MRPL42: variants seen among roughly 807,000 people sequenced by gnomAD.
MRPL42 encodes large ribosomal subunit protein mL42.
A neutral mutation model predicts 17.9 loss-of-function variants in MRPL42; 17 were observed. The observed-to-expected ratio is 0.95, with a 90% confidence interval of 0.65 to 1.42. MRPL42 has a LOEUF of 1.42. MRPL42 is among the 40% of genes most tolerant of loss of function. MRPL42 has a pLI of 0.00. For missense variants in MRPL42, 177 were observed against 175.2 expected (o/e 1.01, Z -0.06); for synonymous variants, 59 against 54.4 (o/e 1.08, Z -0.37).
At chr12:93,483,670 C>T (rs548473020) in intron 4 of MRPL42, among the ~76,000 whole-genome samples, 2 of 152,256 alleles carry the variant, frequency 1.3e-5, no homozygotes, top group African/African-American at 4.8e-5. Context: ...CATTACTGTA[C>T]ACTGCTGTAT....
chr12:93,488,838 T>TC (rs1953360819), intron 5 of MRPL42, among the ~76,000 whole-genome samples: 1 of 152,084 alleles, frequency 6.6e-6, no homozygotes, highest in Non-Finnish European at 1.5e-5. Flanking sequence ...TTGTTGTTTA[T>TC]ATTTGAACAA....
chr12:93,515,429 G>A lies in MRPL42; in HGVS notation c.*14208G>A, dbSNP rs1000914406. The A allele has an allele frequency of 4.6e-5, 7 of 151,552 alleles. No individual in the cohort carries two copies. Among genetic ancestry groups the A allele is most frequent in the African/African-American group, 1.5e-4 (6 of 41,152 alleles). 9.4% of individuals were successfully genotyped at this position (151,552 alleles called of 1,614,324 possible). On this transcript the variant is annotated 3_prime_UTR_variant, in exon 6 of 6. Transcript: ENST00000549982. ...TGTTGCCCAGGCTGGAGTGCAGTGG[G>A]GTGATCTCGGCTCACTGCAACCTCT...
chr12:93,501,136 A>T (rs1017641641), intron 5 of MRPL42, 40 bp from the exon 6 acceptor site: 12 of 1,447,758 alleles, frequency 8.3e-6, no homozygotes, highest in Non-Finnish European at 1.1e-5. Context: ...AATAATTTTT[A>T]TTAAAATCAT....
In MRPL42 at chr12:93,506,486, A is replaced by G. The variant is rs1026255813; in HGVS notation, c.*5265A>G. The G allele has an allele frequency of 6.6e-6, 1 of 152,006 alleles. No homozygotes were observed. The highest frequency in any genetic ancestry group is 1.5e-5 in the Non-Finnish European group (1 of 68,038). The allele number at this position is 152,006 out of a possible 1,614,324, so 9.4% of individuals were successfully genotyped here. On this transcript the variant is annotated 3_prime_UTR_variant, in exon 6 of 6. Coordinates refer to ENST00000549982, the MANE Select transcript of MRPL42 (RefSeq NM_014050.4). ...CTCCATGTTGGTCAGGCTGGTCTCA[A>G]ACTCCTGACCTCAGGTGATCCACCT...
At chr12:93,479,515 G>C (rs1880355544) in intron 4 of MRPL42, 43 bp downstream of exon 4, 2 of 1,389,916 alleles carry the variant, frequency 1.4e-6, no homozygotes, top group East Asian at 4.6e-5. Flanking sequence ...TTTGCTGTTA[G>C]AAATGTTTGC....
rs1275351067 is a variant in MRPL42, at chr12:93,501,697, G to T, written c.*476G>T. ...GATAAGTTGAGAAACATCTCTTTTT[G>T]TGTGTCTACTGTGATTTAAGTATTT... is the stretch of plus-strand genomic sequence containing the variant. On this transcript the variant is annotated 3_prime_UTR_variant, in exon 6 of 6. Transcript: ENST00000549982. 1 of 152,164 alleles carries T rather than the reference G, an allele frequency of 6.6e-6. No individual in the cohort carries two copies. The highest frequency in any genetic ancestry group is 2.4e-5 in the African/African-American group (1 of 41,412). 9.4% of individuals were successfully genotyped at this position (152,164 alleles called of 1,614,324 possible).
intron 2 of MRPL42, among the ~76,000 whole-genome samples, chr12:93,470,229 T>C (rs1447691254): frequency 6.6e-6 from 1 of 152,182 alleles, no homozygotes; most frequent in African/African-American, 2.4e-5. Flanking sequence ...TAGTATTTTC[T>C]CGAAAGCTTG....
intron 5 of MRPL42, among the ~76,000 whole-genome samples, chr12:93,496,095 G>A (rs1342995645): frequency 6.6e-6 from 1 of 152,124 alleles, no homozygotes; most frequent in Non-Finnish European, 1.5e-5. Flanking sequence ...GTCTTGCTTT[G>A]TCACCTAGGC....
At chr12:93,489,455 T>G (rs1028456303) in intron 5 of MRPL42, among the ~76,000 whole-genome samples, 7 of 152,100 alleles carry the variant, frequency 4.6e-5, no homozygotes, top group East Asian at 3.8e-4. Flanking sequence ...ATTGATTTTT[T>G]GGGGGGGCAG....
chr12:93,468,241 T>C (rs1474474542), intron 1 of MRPL42, among the ~76,000 whole-genome samples: 1 of 152,172 alleles, frequency 6.6e-6, no homozygotes, highest in Non-Finnish European at 1.5e-5. Flanking sequence ...CAGTGCAAGG[T>C]ATCAGTGTGA....
intron 2 of MRPL42, among the ~76,000 whole-genome samples, chr12:93,476,503 A>G (rs1043653742): frequency 1.3e-5 from 2 of 152,180 alleles, no homozygotes; most frequent in African/African-American, 4.8e-5. Context: ...GAAAGGCTGG[A>G]GTACCCAAAC....
intron 3 of MRPL42, among the ~76,000 whole-genome samples, chr12:93,477,822 C>G (rs1023639194): frequency 6.6e-6 from 1 of 152,170 alleles, no homozygotes; most frequent in African/African-American, 2.4e-5. Flanking sequence ...GCCACCATGC[C>G]TGGCTAATTT....
chr12:93,504,107 T>A lies in MRPL42; in HGVS notation c.*2886T>A, dbSNP rs965192007. ...GTTGAATCACCATGTCCGGCATCCA[T>A]GTTTATGTACATTTTTAAAGTCAGT... On this transcript the variant is annotated 3_prime_UTR_variant, in exon 6 of 6. Coordinates refer to ENST00000549982, the MANE Select transcript of MRPL42 (RefSeq NM_014050.4). 3 of 154,126 alleles carry A rather than the reference T, an allele frequency of 1.9e-5. No homozygotes were observed. Among genetic ancestry groups the A allele is most frequent in the Middle Eastern group, 5.2e-4 (1 of 1,920 alleles). The allele number at this position is 154,126 out of a possible 1,614,324, so 9.5% of individuals were successfully genotyped here.
At chr12:93,501,102 C>A in intron 5 of MRPL42, 74 bp from the exon 6 acceptor site, 1 of 1,187,920 alleles carries the variant, frequency 8.4e-7, no homozygotes, top group Non-Finnish European at 1.2e-6. Flanking sequence ...GCAAAATAAT[C>A]ATAGAAGTTA....
chr12:93,494,274 C>T (rs1251669985), intron 5 of MRPL42, among the ~76,000 whole-genome samples: 36 of 152,072 alleles, frequency 2.4e-4, no homozygotes, highest in Non-Finnish European at 2.9e-5. Flanking sequence ...CAGACTGCAG[C>T]AAAGCAAAGG....
intron 2 of MRPL42, among the ~76,000 whole-genome samples, chr12:93,473,396 A>G (rs1879998707): frequency 6.6e-6 from 1 of 151,734 alleles, no homozygotes; most frequent in Admixed American, 6.6e-5. Context: ...CAAGTAAGCA[A>G]GACTACAGAT....
At chr12:93,497,741 C>G in intron 5 of MRPL42, among the ~76,000 whole-genome samples, 1 of 106,052 alleles carries the variant, frequency 9.4e-6, no homozygotes. Context: ...AGCAATCAGG[C>G]AAGAAAAAAA....
intron 2 of MRPL42, 29 bp from the exon 3 acceptor site, chr12:93,476,925 A>G (rs1880208825): frequency 6.4e-7 from 1 of 1,573,090 alleles, no homozygotes; most frequent in African/African-American, 1.4e-5. Flanking sequence ...AATTAACCAA[A>G]TCTGTTTTAC....
rs999196156 is a variant in MRPL42 at position 93,514,423 on chromosome 12, C to A, written c.*13202C>A. On this transcript the variant is annotated 3_prime_UTR_variant, in exon 6 of 6. Coordinates refer to ENST00000549982, the MANE Select transcript of MRPL42 (RefSeq NM_014050.4). ...GAGTAGCTGGGATTACAGGCACCCA[C>A]CACCACACCTGGCTAATTTTTTTTT... is the stretch of plus-strand genomic sequence containing the variant. 1 of 151,324 alleles carries A rather than the reference C, an allele frequency of 6.6e-6. No individual in the cohort carries two copies. Among genetic ancestry groups the A allele is most frequent in the Non-Finnish European group, 1.5e-5 (1 of 67,930 alleles). The allele number at this position is 151,324 out of a possible 1,614,324, so 9.4% of individuals were successfully genotyped here.
Sources: gnomAD v4.1 joint callset for allele counts (sites outside exome capture counted in the v4.1 genomes callset) on GRCh38, gnomAD v4.1.1 for gene constraint, MANE v1.5 for transcripts, NCBI Gene and HGNC (gene_info 2026-07-23, HGNC 2026-07-21) for gene names.